Variants in CCDC93 observed in about 807,000 individuals in gnomAD.
CCDC93 encodes coiled-coil domain-containing protein 93.
A neutral mutation model predicts 108.2 loss-of-function variants in CCDC93; 61 were observed. That is an observed-to-expected ratio of 0.56 (90% CI 0.46 to 0.70). The LOEUF (loss-of-function observed/expected upper bound fraction) is 0.70. Ranked by LOEUF, CCDC93 falls within the 30% of genes least tolerant of loss-of-function variation. CCDC93 has a pLI of 0.00. For missense variants in CCDC93, 685 were observed against 764.2 expected (o/e 0.90, Z 1.22); for synonymous variants, 276 against 260.4 (o/e 1.06, Z -0.58).
chr2:118,003,669 G>A (rs115256531), intron 3 of CCDC93, among the ~76,000 whole-genome samples: 3,264 of 152,144 alleles, frequency 0.021, 47 homozygotes, highest in Non-Finnish European at 0.024. Flanking sequence ...GCCACTCTTC[G>A]GAGCCAGCCT....
intron 5 of CCDC93, 67 bp downstream of exon 5, chr2:117,996,197 C>T: frequency 1.8e-6 from 2 of 1,081,732 alleles, no homozygotes; most frequent in South Asian, 1.3e-5. Flanking sequence ...CTGCTCCTTG[C>T]TAGAGAGTCT....
intron 11 of CCDC93, among the ~76,000 whole-genome samples, chr2:117,960,056 G>C (rs1395419367): frequency 2.0e-5 from 3 of 152,086 alleles, no homozygotes; most frequent in African/African-American, 7.2e-5. Context: ...TATTAATTTG[G>C]CCACTTTTGT....
At chr2:117,955,219 G>C (rs560399606) in intron 12 of CCDC93, among the ~76,000 whole-genome samples, 1 of 152,118 alleles carries the variant, frequency 6.6e-6, no homozygotes, top group African/African-American at 2.4e-5. Context: ...CTGACAGATA[G>C]ATGTCTGTGA....
intron 6 of CCDC93, among the ~76,000 whole-genome samples, chr2:117,988,697 G>A (rs771752741): frequency 8.5e-5 from 13 of 152,246 alleles, no homozygotes; most frequent in South Asian, 8.3e-4. Context: ...TACTATAAAT[G>A]GGACAAATAA....
At chr2:117,920,444 C>A (rs367980424) in intron 23 of CCDC93, 48 bp from the exon 24 acceptor site, 1 of 1,376,214 alleles carries the variant, frequency 7.3e-7, no homozygotes, top group Non-Finnish European at 1.0e-6. Flanking sequence ...TACATTAGCA[C>A]CCATGTGAGG....
At position 118,008,557 on chromosome 2, in the gene CCDC93, T is replaced by A. The variant is rs1443372030; in HGVS notation, c.144A>T (p.Ser48=). 1 of 1,593,454 alleles carries A rather than the reference T, an allele frequency of 6.3e-7. No homozygotes were observed. Among genetic ancestry groups the A allele is most frequent in the Non-Finnish European group, 8.6e-7 (1 of 1,161,550 alleles). The part of the protein sequence containing the change: ...GYFRARIKGL[S]PFDKVVGGMT... ...GATTTCCCCTTACCTTGTCAAAGGGTGATAAGCCTTTAATTCTTGCCCTGA... is the reference window on the plus strand; with the variant it reads ...GATTTCCCCTTACCTTGTCAAAGGGAGATAAGCCTTTAATTCTTGCCCTGA... The change falls in exon 2 of 24, where the codon TCA becomes TCT. Residue 48 remains serine, a synonymous_variant. Coordinates refer to ENST00000376300, the MANE Select transcript of CCDC93 (RefSeq NM_019044.5).
chr2:117,979,472 GATGGTGAATACAT>G (rs1465191005), intron 7 of CCDC93, among the ~76,000 whole-genome samples: 18 of 152,304 alleles, frequency 1.2e-4, no homozygotes, highest in African/African-American at 3.8e-4. Flanking sequence ...TCACTTCCCA[GATGGTGAATACAT>G]GCAACTGTTA....
chr2:117,951,705 T>G, intron 13 of CCDC93: 1 of 999,646 alleles, frequency 1.0e-6, no homozygotes, highest in Non-Finnish European at 1.2e-6. Context: ...TAGTTCTCTG[T>G]GGAAACCAAG....
intron 6 of CCDC93, among the ~76,000 whole-genome samples, chr2:117,987,633 G>A (rs1457115637): frequency 2.0e-5 from 3 of 152,118 alleles, no homozygotes; most frequent in Non-Finnish European, 2.9e-5. Flanking sequence ...AAATGAAGTT[G>A]TACTAACAGA....
At chr2:117,974,027 C>T in intron 10 of CCDC93, 33 bp from the exon 11 acceptor site, 1 of 1,405,796 alleles carries the variant, frequency 7.1e-7, no homozygotes, top group South Asian at 1.2e-5. Flanking sequence ...TTCTCAAGGC[C>T]AAGCCTTGTC....
At chr2:118,013,032 C>G (rs1303383236) in intron 1 of CCDC93, 1 of 152,194 alleles carries the variant, frequency 6.6e-6, no homozygotes, top group Non-Finnish European at 1.5e-5. Flanking sequence ...AGAGGTGCGG[C>G]GTGGCTTCCA....
chr2:117,984,568 A>G (rs997304755), intron 7 of CCDC93, among the ~76,000 whole-genome samples: 2 of 152,216 alleles, frequency 1.3e-5, no homozygotes, highest in Non-Finnish European at 2.9e-5. Flanking sequence ...AATTCTGTCA[A>G]CATGGTCTCA....
At chr2:117,949,886 A>C in intron 13 of CCDC93, 7 of 985,410 alleles carry the variant, frequency 7.1e-6, no homozygotes, top group Non-Finnish European at 6.0e-6. Context: ...GGCCTCAGGA[A>C]GAAGCTGTGT....
chr2:118,001,016 CGGA>C, intron 3 of CCDC93, 84 bp from the exon 4 acceptor site: 2 of 807,810 alleles, frequency 2.5e-6, no homozygotes, highest in Non-Finnish European at 4.3e-6. Flanking sequence ...GCATCACAGA[CGGA>C]TCTGGGACTT....
intron 6 of CCDC93, among the ~76,000 whole-genome samples, chr2:117,988,675 A>T (rs143169834): frequency 6.6e-6 from 1 of 152,244 alleles, no homozygotes; most frequent in Non-Finnish European, 1.5e-5. Flanking sequence ...GAAAGATCTC[A>T]TAAGAAAAAG....
chr2:117,989,551 T>C (rs562820138), intron 6 of CCDC93, among the ~76,000 whole-genome samples: 1 of 152,326 alleles, frequency 6.6e-6, no homozygotes, highest in South Asian at 2.1e-4. Context: ...TCCTTGAACA[T>C]GGTCTGGCAT....
chr2:118,008,917 T>A, intron 1 of CCDC93: 1 of 360,026 alleles, frequency 2.8e-6, no homozygotes, highest in South Asian at 4.8e-5. Flanking sequence ...TAGTATATAC[T>A]ACTCATCACA....
At chr2:117,934,321 C>T (rs1678451388) in intron 22 of CCDC93, among the ~76,000 whole-genome samples, 2 of 152,156 alleles carry the variant, frequency 1.3e-5, no homozygotes. Context: ...TTTTGGTCAG[C>T]CAGGTTCTCT....
At chr2:117,921,176 CAAAAAAAAA>C in intron 23 of CCDC93, among the ~76,000 whole-genome samples, 1 of 76,034 alleles carries the variant, frequency 1.3e-5, no homozygotes, top group African/African-American at 5.2e-5. Context: ...GGCTCTGTCT[CAAAAAAAAA>C]AAAAAAAAAA....
Sources: allele counts gnomAD v4.1 joint callset (sites outside exome capture counted in the v4.1 genomes callset), GRCh38; gene constraint gnomAD v4.1.1; transcripts MANE v1.5; gene names NCBI Gene and HGNC (gene_info 2026-07-23, HGNC 2026-07-21).